TENM3: variants seen among roughly 807,000 people sequenced by gnomAD.
TENM3 encodes teneurin-3.
TENM3 carries 63 observed loss-of-function variants against 255.1 expected under a neutral mutation model. The ratio of observed to expected loss-of-function variants is 0.25; its 90% CI spans 0.20 to 0.30. The LOEUF is 0.30. Among genes scored for constraint, TENM3 ranks in the 10% least tolerant of loss-of-function variants. The pLI is 1.00. For missense variants in TENM3, 2,929 were observed against 3,461.1 expected (o/e 0.85, Z 3.86); for synonymous variants, 1,306 against 1,322.3 (o/e 0.99, Z 0.27).
Position 182,798,584 on chromosome 4 carries a change from T to C in TENM3, c.7345-1012T>C, listed in dbSNP as rs548253853. Among the ~76,000 whole-genome samples the C allele has an allele frequency of 2.0e-5, 3 of 152,344 alleles. No homozygotes were observed. The East Asian group carries it at 5.8e-4, about 29-fold the overall frequency. On this transcript the variant is annotated intron_variant, in intron 27 of 27. Transcript: ENST00000511685. ...AGCAGTGCATGACTGTCTACACTGA[T>C]ACAGTGGCATGAAGACATACCGAAG...
At chr4:182,590,180 A>C (rs1447585791) in intron 3 of TENM3, among the ~76,000 whole-genome samples, 1 of 152,144 alleles carries the variant, frequency 6.6e-6, no homozygotes, top group Non-Finnish European at 1.5e-5. Context: ...GGAAAAAACA[A>C]GTTGTTTAAG....
At chr4:181,553,274 TGTGTGTGTGTGTGTGTGTGTGTGTA>T in the TENM3 span, among the ~76,000 whole-genome samples, 56 of 136,022 alleles carry the variant, frequency 4.1e-4, 1 homozygote, top group South Asian at 3.1e-3. Context: ...TGTGTGTGTG[TGTGTGTGTGTGTGTGTGTGTGTGTA>T]GTGTGTGTGT....
intron 3 of TENM3, among the ~76,000 whole-genome samples, chr4:182,533,728 A>G (rs1740005505): frequency 6.6e-6 from 1 of 151,978 alleles, no homozygotes; most frequent in African/African-American, 2.4e-5. Context: ...AGCCTGGCCA[A>G]GATAGTGAAA....
intron 3 of TENM3, among the ~76,000 whole-genome samples, chr4:182,551,886 G>GCATGCCTGTAAGTC (rs1278592990): frequency 6.6e-6 from 1 of 151,932 alleles, no homozygotes; most frequent in African/African-American, 2.4e-5. Flanking sequence ...GCGTGGTAGT[G>GCATGCCTGTAAGTC]CATGCCTGTA....
At chr4:182,760,467 C>T (rs1465771175) in intron 22 of TENM3, among the ~76,000 whole-genome samples, 1 of 152,094 alleles carries the variant, frequency 6.6e-6, no homozygotes, top group East Asian at 1.9e-4. Flanking sequence ...TCTAGAGGCT[C>T]TTCTGTCTGG....
At chr4:182,767,590 G>A (rs939312596) in intron 22 of TENM3, among the ~76,000 whole-genome samples, 1 of 151,858 alleles carries the variant, frequency 6.6e-6, no homozygotes, top group Non-Finnish European at 1.5e-5. Flanking sequence ...GTGTTTCTGG[G>A]TGGGTGTGTG....
Position 182,530,729 on chromosome 4 carries a change from T to A in TENM3, c.512-70195T>A, listed in dbSNP as rs547434140. ...AGCCTGGAGCATAGTTGCAGAGAAA[T>A]GGATCTGTTTTGGAGGTAGAATTAG... On this transcript the variant is annotated intron_variant, in intron 3 of 27. Coordinates refer to ENST00000511685, the MANE Select transcript of TENM3 (RefSeq NM_001080477.4). 7.0e-4 allele frequency among the ~76,000 whole-genome samples: 106 copies of A among 152,238 alleles called. 1 individual carries two copies. Among genetic ancestry groups the A allele is most frequent in the African/African-American group, 2.4e-3 (101 of 41,520 alleles).
At chr4:181,797,550 T>A in the TENM3 span, among the ~76,000 whole-genome samples, 1 of 152,206 alleles carries the variant, frequency 6.6e-6, no homozygotes, top group Non-Finnish European at 1.5e-5. Context: ...CTGCCCCATC[T>A]TTCCTCACTA....
At chr4:181,977,929 T>A in the TENM3 span, among the ~76,000 whole-genome samples, 3 of 152,152 alleles carry the variant, frequency 2.0e-5, no homozygotes, top group African/African-American at 7.2e-5. Context: ...ACAATCAGTA[T>A]CAAAGACGAT....
chr4:181,622,091 G>A, the TENM3 span, among the ~76,000 whole-genome samples: 2 of 152,166 alleles, frequency 1.3e-5, no homozygotes, highest in African/African-American at 4.8e-5. Context: ...GTTAGACACA[G>A]GATTAATCCT....
intron 3 of TENM3, among the ~76,000 whole-genome samples, chr4:182,405,580 C>T (rs1027606190): frequency 2.0e-5 from 3 of 152,196 alleles, no homozygotes; most frequent in Non-Finnish European, 4.4e-5. Flanking sequence ...ATTTAACAAA[C>T]GTTCAGTGAG....
At chr4:181,476,798 G>A in the TENM3 span, among the ~76,000 whole-genome samples, 9 of 152,152 alleles carry the variant, frequency 5.9e-5, no homozygotes, top group Admixed American at 2.0e-4. Context: ...TCCACATAAA[G>A]GAGAGGAAAA....
At chr4:181,641,474 G>A in the TENM3 span, among the ~76,000 whole-genome samples, 1 of 141,830 alleles carries the variant, frequency 7.1e-6, no homozygotes, top group East Asian at 2.1e-4. Flanking sequence ...GAGAATGATG[G>A]TTTCCAGCTT....
In TENM3 at chr4:182,192,215, A is replaced by C. The variant is rs537079422; in HGVS notation, c.-76+47461A>C. ...TCATGCCAGAGACACGACAACATAC[A>C]TACGTAGCAGAGTTTAATAGTTTCT... On this transcript the variant is annotated intron_variant, in intron 1 of 2. Transcript: ENST00000512480. Among the ~76,000 whole-genome samples the C allele has an allele frequency of 3.3e-5, 5 of 152,308 alleles. No homozygotes were observed. The South Asian group carries it at 1.0e-3, about 32-fold the overall frequency.
At chr4:181,993,745 T>A in the TENM3 span, among the ~76,000 whole-genome samples, 4 of 152,176 alleles carry the variant, frequency 2.6e-5, no homozygotes, top group Non-Finnish European at 4.4e-5. Context: ...TTAATTATTA[T>A]CCCCTACCTT....
chr4:181,840,882 T>A, the TENM3 span, among the ~76,000 whole-genome samples: 9 of 152,280 alleles, frequency 5.9e-5, no homozygotes, highest in East Asian at 1.7e-3. Flanking sequence ...CTTTGCTGGT[T>A]TCCACTTGCA....
At chr4:181,848,774 T>C in the TENM3 span, among the ~76,000 whole-genome samples, 1 of 152,188 alleles carries the variant, frequency 6.6e-6, no homozygotes, top group African/African-American at 2.4e-5. Context: ...TACAATGGAA[T>C]AAAAGTGATG....
At position 182,313,742 on chromosome 4, in the gene TENM3, G is replaced by A. The variant is rs543251944; in HGVS notation, c.-75-10204G>A. Among the ~76,000 whole-genome samples, 7 of 152,174 alleles carry A rather than the reference G, an allele frequency of 4.6e-5. No individual in the cohort carries two copies. In the East Asian group the frequency reaches 1.4e-3, roughly 29 times the overall value. On this transcript the variant is annotated intron_variant, in intron 1 of 27. Transcript: ENST00000511685. The stretch of plus-strand genomic sequence containing the variant: ...ATGGCCTCCTGTTTTCTCTCTCTCA[G>A]GAGAGTTTCCTCTTCACTCAGCTGC...
At chr4:181,818,611 C>CTT in the TENM3 span, among the ~76,000 whole-genome samples, 31 of 141,584 alleles carry the variant, frequency 2.2e-4, no homozygotes, top group Middle Eastern at 3.6e-3. Flanking sequence ...CAGTAAATCT[C>CTT]TTTTTTTTTT....
Sources: gnomAD v4.1 joint callset for allele counts (sites outside exome capture counted in the v4.1 genomes callset) on GRCh38, gnomAD v4.1.1 for gene constraint, MANE v1.5 for transcripts, NCBI Gene and HGNC (gene_info 2026-07-23, HGNC 2026-07-21) for gene names.